Variants in EZH2 observed in about 807,000 individuals in gnomAD.
EZH2 encodes the protein histone-lysine N-methyltransferase EZH2.
EZH2 carries 18 observed loss-of-function variants against 98.4 expected under a neutral mutation model. That is an observed-to-expected ratio of 0.18 (90% CI 0.13 to 0.27). The LOEUF (loss-of-function observed/expected upper bound fraction) is 0.27. Among genes scored for constraint, EZH2 ranks in the 10% least tolerant of loss-of-function variants. The probability of loss-of-function intolerance (pLI) is 1.00; values close to 1 mark genes in which losing one functional copy is unlikely to be tolerated. For synonymous variants in EZH2, 338 were observed against 312.3 expected, an observed-to-expected ratio of 1.08 and a Z score of -0.87; for missense variants, 470 against 935.1, an observed-to-expected ratio of 0.50 and a Z score of 6.49.
intron 17 of EZH2, among the ~76,000 whole-genome samples, chr7:148,809,964 C>T (rs1037558941): frequency 6.6e-6 from 1 of 152,240 alleles, no homozygotes; most frequent in Non-Finnish European, 1.5e-5. Context: ...AAGATGGTTG[C>T]AAATGCAGTG....
At chr7:148,828,983 G>A (rs1203990086) in intron 5 of EZH2, 103 bp from the exon 6 acceptor site, 10 of 1,111,150 alleles carry the variant, frequency 9.0e-6, no homozygotes, top group Non-Finnish European at 1.3e-5. Context: ...CTAGTAACTG[G>A]CACTAAAACA....
At chr7:148,879,332 C>T (rs1407183643) in intron 1 of EZH2, among the ~76,000 whole-genome samples, 3 of 152,132 alleles carry the variant, frequency 2.0e-5, no homozygotes, top group Non-Finnish European at 2.9e-5. Context: ...AGGTCAATCA[C>T]TTGAGGTCAG....
chr7:148,810,283 G>C (rs1379545455), intron 17 of EZH2, 50 bp downstream of exon 17: 1 of 1,374,104 alleles, frequency 7.3e-7, no homozygotes, highest in Non-Finnish European at 1.0e-6. Flanking sequence ...CCGGCAGAAG[G>C]CTGCCACATG....
intron 1 of EZH2, among the ~76,000 whole-genome samples, chr7:148,855,779 T>G (rs1243147762): frequency 2.0e-5 from 3 of 150,664 alleles, no homozygotes; most frequent in African/African-American, 7.3e-5. Flanking sequence ...ACGCCTGTAA[T>G]CCCAGCTACT....
chr7:148,834,352 T>TACAC (rs10542159), intron 3 of EZH2, among the ~76,000 whole-genome samples: 93 of 143,412 alleles, frequency 6.5e-4, no homozygotes, highest in East Asian at 1.8e-3. Context: ...TATATATATA[T>TACAC]ACACACACAC....
chr7:148,859,934 G>C (rs1817424801), intron 1 of EZH2, among the ~76,000 whole-genome samples: 1 of 152,052 alleles, frequency 6.6e-6, no homozygotes, highest in South Asian at 2.1e-4. Context: ...CCTGAACAAA[G>C]ACTAAAAGTT....
At chr7:148,838,974 C>T (rs1299644708) in intron 3 of EZH2, among the ~76,000 whole-genome samples, 1 of 151,592 alleles carries the variant, frequency 6.6e-6, no homozygotes, top group Non-Finnish European at 1.5e-5. Flanking sequence ...ATAGCTTGAA[C>T]CCAGGAGGCA....
Position 148,815,492 on chromosome 7 carries a change from G to A in EZH2, c.1546+14C>T. 1 of 1,611,048 alleles carries A rather than the reference G, an allele frequency of 6.2e-7. No individual in the cohort carries two copies. The highest frequency in any genetic ancestry group is 8.5e-7 in the Non-Finnish European group (1 of 1,177,130). ...TTGTTAAGCTAATAATGAGAGGAATGGAAAGATGCTAACCCTTTTTCAGCT... is the reference window on the plus strand; with the variant it reads ...TTGTTAAGCTAATAATGAGAGGAATAGAAAGATGCTAACCCTTTTTCAGCT... On this transcript the variant is annotated intron_variant, in intron 13 of 19. Transcript: ENST00000320356.
intron 8 of EZH2, among the ~76,000 whole-genome samples, chr7:148,823,562 A>G (rs147947900): frequency 6.6e-6 from 1 of 152,196 alleles, no homozygotes; most frequent in Non-Finnish European, 1.5e-5. Context: ...AAAAGTGGTT[A>G]ACTACTAATA....
At position 148,814,957 on chromosome 7, in the gene EZH2, T is replaced by C; in HGVS notation, c.1629A>G (p.Ile543Met). Residue 543 changes from isoleucine (I) to methionine (M), a missense_variant, in exon 14 of 20, where the codon ATA (isoleucine) becomes ATG (methionine). Physicochemically the swap from Ile to Met is conservative, Grantham distance 10 (BLOSUM62 1). Around this residue, in one of 6 missense-constraint regions of EZH2, gnomAD observed 106 missense variants for 327.2 expected, o/e 0.32. Transcript: ENST00000320356. ...QPCDSSCPCVIAQNFCEKFCQ... is the reference protein window; with the variant it reads ...QPCDSSCPCVMAQNFCEKFCQ... ...AAAACTTTTCACAAAAATTTTGTGC[T>C]ATCACACAAGGGCACGAACTGTCAC... 1.2e-6 allele frequency: 2 copies of C among 1,613,774 alleles called. No homozygotes were observed. Among genetic ancestry groups the C allele is most frequent in the Non-Finnish European group, 1.7e-6 (2 of 1,180,018 alleles).
intron 1 of EZH2, among the ~76,000 whole-genome samples, chr7:148,870,203 G>C (rs556035666): frequency 1.3e-5 from 2 of 152,290 alleles, no homozygotes; most frequent in African/African-American, 4.8e-5. Flanking sequence ...GCCATCTACA[G>C]GGCCTGCTCA....
At chr7:148,813,781 GA>G (rs1803822960) in intron 15 of EZH2, among the ~76,000 whole-genome samples, 177 bp downstream of exon 15, 1 of 152,090 alleles carries the variant, frequency 6.6e-6, no homozygotes, top group African/African-American at 2.4e-5. Flanking sequence ...ATATAAAACT[GA>G]AGAGACTGCC....
intron 12 of EZH2, 74 bp from the exon 13 acceptor site, chr7:148,815,620 G>T: frequency 1.5e-6 from 2 of 1,293,198 alleles, no homozygotes; most frequent in Non-Finnish European, 2.3e-6. Context: ...TGCTTAACTG[G>T]ATCTATCTGT....
At chr7:148,869,157 T>TTA in intron 1 of EZH2, among the ~76,000 whole-genome samples, 1 of 145,048 alleles carries the variant, frequency 6.9e-6, no homozygotes, top group Non-Finnish European at 1.5e-5. Flanking sequence ...TTGACCAACT[T>TTA]GATAAAGAAT....
chr7:148,857,527 G>A (rs377490900), intron 1 of EZH2, among the ~76,000 whole-genome samples: 3 of 152,094 alleles, frequency 2.0e-5, no homozygotes, highest in South Asian at 2.1e-4. Context: ...TGAGGCAGGC[G>A]GATCACGTAA....
chr7:148,878,151 T>C (rs1392805368), intron 1 of EZH2, among the ~76,000 whole-genome samples: 2 of 152,226 alleles, frequency 1.3e-5, no homozygotes, highest in South Asian at 2.1e-4. Flanking sequence ...CATTTTTAAG[T>C]GTACAATTCT....
intron 2 of EZH2, 96 bp downstream of exon 2, chr7:148,847,086 G>A: frequency 7.1e-7 from 1 of 1,404,564 alleles, no homozygotes; most frequent in Non-Finnish European, 9.5e-7. Context: ...ATACAAACTT[G>A]GCTAGAATTA....
In EZH2 at chr7:148,807,478, A is replaced by G. The variant is rs1801771189; in HGVS notation, c.*168T>C. On this transcript the variant is annotated 3_prime_UTR_variant, in exon 20 of 20. Coordinates refer to ENST00000320356, the MANE Select transcript of EZH2 (RefSeq NM_004456.5). ...TACAAAACACTTTGCAGCTGGTGAG[A>G]AGGCAATAAAAAGTTGATTTTTAAA... 1 of 616,320 alleles carries G rather than the reference A, an allele frequency of 1.6e-6. No homozygotes were observed. The highest frequency in any genetic ancestry group is 2.8e-5 in the East Asian group (1 of 36,078). 38.2% of individuals were successfully genotyped at this position (616,320 alleles called of 1,614,324 possible).
chr7:148,857,047 G>A (rs1344450418), intron 1 of EZH2, among the ~76,000 whole-genome samples: 1 of 152,192 alleles, frequency 6.6e-6, no homozygotes, highest in Non-Finnish European at 1.5e-5. Context: ...CTGTCATTAT[G>A]TACTCCCCGA....
Sources: allele counts gnomAD v4.1 joint callset (sites outside exome capture counted in the v4.1 genomes callset), GRCh38; gene constraint gnomAD v4.1.1; regional missense constraint gnomAD v4.1.1; transcripts MANE v1.5; gene names NCBI Gene and HGNC (gene_info 2026-07-23, HGNC 2026-07-21).